The following MTUS2 variants were observed in gnomAD, a reference collection of about 807,000 sequenced individuals.
MTUS2 encodes microtubule associated scaffold protein 2, also known as microtubule-associated tumor suppressor candidate 2.
In MTUS2, 40 loss-of-function variants were observed where a neutral mutation model predicts 114.1. That is an observed-to-expected ratio of 0.35 (90% confidence interval 0.27 to 0.46). The LOEUF (loss-of-function observed/expected upper bound fraction) is 0.46. Among genes scored for constraint, MTUS2 ranks in the 20% least tolerant of loss-of-function variants. The pLI, the probability that MTUS2 is intolerant of heterozygous loss-of-function variation, is 1.00. For missense variants in MTUS2, 1,679 were observed against 1,705.4 expected (o/e 0.98, Z 0.27); for synonymous variants, 688 against 672.0 (o/e 1.02, Z -0.37).
chr13:29,500,965 A>G (rs1252205600), intron 14 of MTUS2, 132 bp from the exon 15 acceptor site: 22 of 644,806 alleles, frequency 3.4e-5, no homozygotes, highest in Middle Eastern at 2.5e-4. Flanking sequence ...TTTAAAACCC[A>G]CTAAAGCATT....
At chr13:29,465,944 G>A (rs1222956603) in intron 9 of MTUS2, among the ~76,000 whole-genome samples, 1 of 152,192 alleles carries the variant, frequency 6.6e-6, no homozygotes, top group Non-Finnish European at 1.5e-5. Context: ...AGCAATTCCC[G>A]TGAATGCTGT....
chr13:29,348,537 G>T (rs1322541036), intron 7 of MTUS2, among the ~76,000 whole-genome samples: 1 of 152,198 alleles, frequency 6.6e-6, no homozygotes, highest in Non-Finnish European at 1.5e-5. Flanking sequence ...CTACTCTGCT[G>T]TTGTTATGTG....
chr13:29,217,423 G>A (rs1245269063), intron 5 of MTUS2, among the ~76,000 whole-genome samples: 2 of 152,138 alleles, frequency 1.3e-5, no homozygotes, highest in Non-Finnish European at 2.9e-5. Context: ...GTTTTTCAGT[G>A]CATATAAAAC....
chr13:29,128,454 T>C (rs1308179109), intron 5 of MTUS2, among the ~76,000 whole-genome samples: 1 of 152,002 alleles, frequency 6.6e-6, no homozygotes, highest in African/African-American at 2.4e-5. Flanking sequence ...GCAAAAGAGG[T>C]CTTCAGGATT....
intron 5 of MTUS2, among the ~76,000 whole-genome samples, chr13:29,202,793 G>T (rs1895015582): frequency 6.6e-6 from 1 of 152,162 alleles, no homozygotes; most frequent in Non-Finnish European, 1.5e-5. Flanking sequence ...GAGTTTGCTG[G>T]AGATCCACTC....
At chr13:28,965,133 A>T (rs988479201) in intron 2 of MTUS2, among the ~76,000 whole-genome samples, 1 of 152,116 alleles carries the variant, frequency 6.6e-6, no homozygotes, top group Admixed American at 6.5e-5. Flanking sequence ...GTGATTTATG[A>T]TCTCTCTTCT....
chr13:28,945,564 T>C (rs1882482560), intron 2 of MTUS2, among the ~76,000 whole-genome samples: 1 of 152,180 alleles, frequency 6.6e-6, no homozygotes, highest in Non-Finnish European at 1.5e-5. Flanking sequence ...TAATTTGCAT[T>C]TCTGATGATT....
At chr13:29,158,414 CCAGGGCT>C (rs1892964436) in intron 5 of MTUS2, among the ~76,000 whole-genome samples, 1 of 126,130 alleles carries the variant, frequency 7.9e-6, no homozygotes, top group Non-Finnish European at 1.6e-5. Flanking sequence ...AGTGTCAAAG[CCAGGGCT>C]CAGCCCAGGC....
At chr13:29,073,628 T>C (rs1267766590) in intron 4 of MTUS2, among the ~76,000 whole-genome samples, 2 of 152,156 alleles carry the variant, frequency 1.3e-5, no homozygotes, top group African/African-American at 4.8e-5. Flanking sequence ...TTCCTCCATC[T>C]GTTTACAGCC....
intron 5 of MTUS2, among the ~76,000 whole-genome samples, chr13:29,108,274 G>A (rs948917055): frequency 2.0e-5 from 3 of 152,210 alleles, no homozygotes; most frequent in Non-Finnish European, 4.4e-5. Flanking sequence ...CCTGTTTGAT[G>A]TTACTCTTAA....
chr13:29,343,275 C>T (rs1361014057), intron 7 of MTUS2, among the ~76,000 whole-genome samples: 3 of 152,056 alleles, frequency 2.0e-5, no homozygotes, highest in African/African-American at 7.2e-5. Context: ...ACTGGGAACT[C>T]ATCTGGTCCT....
chr13:29,228,750 AG>A (rs35730114), intron 5 of MTUS2, among the ~76,000 whole-genome samples: 6 of 152,050 alleles, frequency 3.9e-5, no homozygotes, highest in Middle Eastern at 3.2e-3. Context: ...AGAAAGGAGA[AG>A]GGGGGGAAGA....
At chr13:29,261,968 A>G (rs1897489401) in intron 5 of MTUS2, among the ~76,000 whole-genome samples, 1 of 152,250 alleles carries the variant, frequency 6.6e-6, no homozygotes, top group Non-Finnish European at 1.5e-5. Context: ...TGGTCTTTTA[A>G]GTAACTAACC....
rs752228535 is a variant in MTUS2 at position 29,480,106 on chromosome 13, C to T, written c.3185-44C>T. 1.3e-6 allele frequency: 2 copies of T among 1,546,150 alleles called. No individual in the cohort carries two copies. The highest frequency in any genetic ancestry group is 1.7e-6 in the Non-Finnish European group (2 of 1,143,298). ...TGGAGGCTGAGTCCTTCCCATGCCT[C>T]CTACGGCCATTTTTTAAAGAAAGAT... On this transcript the variant is annotated intron_variant, in intron 9 of 15. Transcript: ENST00000612955. The surrounding 1 kb of genome is among the most constrained non-coding windows in gnomAD (Gnocchi z 4.4).
At chr13:29,351,091 C>T (rs986787778) in intron 7 of MTUS2, among the ~76,000 whole-genome samples, 1 of 151,720 alleles carries the variant, frequency 6.6e-6, no homozygotes, top group African/African-American at 2.4e-5. Flanking sequence ...AAGTGGATTT[C>T]AAGTCCTAAA....
At chr13:29,171,909 C>T (rs1235456265) in intron 5 of MTUS2, among the ~76,000 whole-genome samples, 1 of 152,180 alleles carries the variant, frequency 6.6e-6, no homozygotes, top group Admixed American at 6.5e-5. Flanking sequence ...AGTATGCACA[C>T]TATAGTTCTA....
chr13:29,077,239 G>T (rs529697472), intron 4 of MTUS2, among the ~76,000 whole-genome samples: 1 of 152,260 alleles, frequency 6.6e-6, no homozygotes, highest in South Asian at 2.1e-4. Context: ...TGTGAAGAAA[G>T]CTTGATAAAA....
At chr13:29,162,609 C>A (rs1893146186) in intron 5 of MTUS2, among the ~76,000 whole-genome samples, 1 of 152,146 alleles carries the variant, frequency 6.6e-6, no homozygotes, top group Non-Finnish European at 1.5e-5. Context: ...AAACAGAGAC[C>A]TTCTTTAGCC....
At chr13:29,158,702 A>G (rs1285858706) in intron 5 of MTUS2, among the ~76,000 whole-genome samples, 1 of 152,178 alleles carries the variant, frequency 6.6e-6, no homozygotes, top group Non-Finnish European at 1.5e-5. Flanking sequence ...AAGTCCTTCT[A>G]GCTGGATGCC....
Sources: gnomAD v4.1 joint callset for allele counts (sites outside exome capture counted in the v4.1 genomes callset) on GRCh38, gnomAD v4.1.1 for gene constraint, Gnocchi (gnomAD v3.1) non-coding constraint, MANE v1.5 for transcripts, NCBI Gene and HGNC (gene_info 2026-07-23, HGNC 2026-07-21) for gene names.